RELN: variants seen among roughly 807,000 people sequenced by gnomAD.
The protein encoded by RELN is reelin.
RELN carries 108 observed loss-of-function variants against 427.6 expected under a neutral mutation model. The observed-to-expected ratio is 0.25, with a 90% CI of 0.22 to 0.30. The LOEUF (loss-of-function observed/expected upper bound fraction) is 0.30. Ranked by LOEUF, RELN falls within the 10% of genes least tolerant of loss-of-function variation. RELN has a pLI of 1.00. For synonymous variants in RELN, 1,524 were observed against 1,513.4 expected (o/e 1.01, Z -0.16); for missense variants, 3,715 against 4,302.8 (o/e 0.86, Z 3.82).
At chr7:103,918,638 T>G (rs2116675320) in intron 1 of RELN, among the ~76,000 whole-genome samples, 1 of 152,268 alleles carries the variant, frequency 6.6e-6, no homozygotes, top group African/African-American at 2.4e-5. Flanking sequence ...GTGCTCAATA[T>G]TTAGTGAATT....
Position 103,823,861 on chromosome 7 carries a change from G to A in RELN, c.473+9676C>T, listed in dbSNP as rs192524326. On this transcript the variant is annotated intron_variant, in intron 3 of 64. Transcript: ENST00000428762. ...TTTTGCTTTAACATGGGCCATGTGC[G>A]GTAAAAATACCAAACTGCATTTTTA... 1.8e-3 allele frequency among the ~76,000 whole-genome samples: 261 copies of A among 145,324 alleles called. 2 individuals are homozygous for A. Among genetic ancestry groups the A allele is most frequent in the African/African-American group, 5.9e-3 (232 of 39,020 alleles).
chr7:103,899,171 T>TGC (rs1795026782), intron 2 of RELN, among the ~76,000 whole-genome samples: 1 of 150,990 alleles, frequency 6.6e-6, no homozygotes, highest in African/African-American at 2.5e-5. Context: ...CACCTCTACT[T>TGC]AAATAAACTG....
intron 5 of RELN, among the ~76,000 whole-genome samples, chr7:103,749,720 A>T (rs1790946086): frequency 1.3e-5 from 2 of 152,164 alleles, no homozygotes; most frequent in South Asian, 4.1e-4. Flanking sequence ...AAAACCAAAG[A>T]CCCCAAAAGG....
At chr7:103,866,156 A>T (rs1055870718) in intron 2 of RELN, among the ~76,000 whole-genome samples, 3 of 152,162 alleles carry the variant, frequency 2.0e-5, no homozygotes, top group African/African-American at 7.2e-5. Flanking sequence ...TAATTCTTTT[A>T]AAAAATAAAA....
At chr7:103,623,495 T>C (rs1485792419) in intron 20 of RELN, among the ~76,000 whole-genome samples, 7 of 152,204 alleles carry the variant, frequency 4.6e-5, no homozygotes. Context: ...TTTTTCCTTG[T>C]AAACCAAGGA....
intron 6 of RELN, among the ~76,000 whole-genome samples, chr7:103,739,662 T>C (rs989143847): frequency 6.6e-6 from 1 of 152,186 alleles, no homozygotes; most frequent in Admixed American, 6.5e-5. Context: ...AGGGATTTTG[T>C]TACTCTCTTC....
rs1228074490 is a variant in RELN, at chr7:103,924,985, T to TAC, written c.227-7802_227-7801dup. On this transcript the variant is annotated intron_variant, in intron 1 of 64. Transcript: ENST00000428762. ...TCTCTGACACACGTGTGCATGCGCA[T>TAC]ACACATACACACACACACACACACA... is the stretch of plus-strand genomic sequence containing the variant. 1.4e-3 allele frequency among the ~76,000 whole-genome samples: 187 copies of TAC among 137,628 alleles called. 2 individuals carry two copies. The highest frequency in any genetic ancestry group is 4.1e-3 in the African/African-American group (149 of 36,148). 90.3% of individuals were successfully genotyped at this position (137,628 alleles called of 152,430 possible).
intron 5 of RELN, among the ~76,000 whole-genome samples, chr7:103,752,029 T>G (rs758448997): frequency 6.6e-6 from 1 of 152,242 alleles, no homozygotes; most frequent in Non-Finnish European, 1.5e-5. Flanking sequence ...TTCTAGAGAC[T>G]TTTTTATTTA....
chr7:103,606,427 A>T (rs1831821967), intron 22 of RELN, among the ~76,000 whole-genome samples: 1 of 152,202 alleles, frequency 6.6e-6, no homozygotes, highest in Non-Finnish European at 1.5e-5. Flanking sequence ...GCAACTTAGC[A>T]GCTGTGTGAC....
chr7:103,773,771 C>A (rs1563005232), intron 4 of RELN, among the ~76,000 whole-genome samples: 1 of 151,860 alleles, frequency 6.6e-6, no homozygotes, highest in Non-Finnish European at 1.5e-5. Flanking sequence ...CGCGCGGCCT[C>A]CTCTCCTTTT....
intron 16 of RELN, among the ~76,000 whole-genome samples, chr7:103,643,270 C>T (rs1001308391): frequency 9.2e-5 from 14 of 152,082 alleles, no homozygotes; most frequent in African/African-American, 2.9e-4. Flanking sequence ...GTCCCTTCTC[C>T]TCTCTTTCTC....
intron 3 of RELN, among the ~76,000 whole-genome samples, chr7:103,820,992 A>G (rs1221982832): frequency 1.3e-5 from 2 of 152,132 alleles, no homozygotes; most frequent in African/African-American, 4.8e-5. Flanking sequence ...TTGTTAAAAA[A>G]AGTCATATCA....
At chr7:103,567,247 A>T (rs1467558148) in intron 31 of RELN, among the ~76,000 whole-genome samples, 1 of 152,232 alleles carries the variant, frequency 6.6e-6, no homozygotes, top group Non-Finnish European at 1.5e-5. Context: ...GCACTTTGTC[A>T]GATCTTGGTC....
chr7:103,604,219 C>T, intron 23 of RELN, 127 bp downstream of exon 23: 2 of 1,063,650 alleles, frequency 1.9e-6, no homozygotes, highest in Non-Finnish European at 2.9e-6. Flanking sequence ...GAAAGGAGGA[C>T]TTGTTTCTTT....
intron 1 of RELN, among the ~76,000 whole-genome samples, chr7:103,952,281 A>C (rs1039852783): frequency 1.3e-5 from 2 of 152,214 alleles, no homozygotes; most frequent in African/African-American, 4.8e-5. Flanking sequence ...GTCACCCTTC[A>C]GTCTACCAAG....
intron 10 of RELN, among the ~76,000 whole-genome samples, chr7:103,690,514 C>T (rs569567420): frequency 1.3e-5 from 2 of 152,210 alleles, no homozygotes; most frequent in South Asian, 4.1e-4. Context: ...ATACAGTGTA[C>T]CCCTTATCTT....
At chr7:103,597,747 A>C (rs1410707939) in intron 24 of RELN, among the ~76,000 whole-genome samples, 1 of 152,152 alleles carries the variant, frequency 6.6e-6, no homozygotes, top group Admixed American at 6.5e-5. Flanking sequence ...AAGTGTTACA[A>C]ATTTCCTGAA....
At chr7:103,530,012 T>A (rs1228207722) in intron 46 of RELN, among the ~76,000 whole-genome samples, 1 of 152,152 alleles carries the variant, frequency 6.6e-6, no homozygotes, top group Non-Finnish European at 1.5e-5. Context: ...CTTCTGCTAT[T>A]AAATTTAGGA....
chr7:103,640,462 G>C lies in RELN; in HGVS notation c.2069+81C>G. ...TAAAAAGATCCCCGATCCTAAAAAA[G>C]GTTATTAAATGACTTGCGACTTCAA... On this transcript the variant is annotated intron_variant, in intron 17 of 64. Transcript: ENST00000428762. The surrounding 1 kb of genome is among the most constrained non-coding windows in gnomAD (Gnocchi z 4.1). The C allele has an allele frequency of 1.4e-6, 2 of 1,384,074 alleles. No individual in the cohort carries two copies. The highest frequency in any genetic ancestry group is 1.0e-6 in the Non-Finnish European group (1 of 973,572). The allele number at this position is 1,384,074 out of a possible 1,614,324, so 85.7% of individuals were successfully genotyped here. A position where few individuals can be genotyped will look rare whatever the true frequency, so the allele number is the denominator to read the frequency against.
Sources: allele counts gnomAD v4.1 joint callset (sites outside exome capture counted in the v4.1 genomes callset), GRCh38; gene constraint gnomAD v4.1.1; non-coding constraint Gnocchi (gnomAD v3.1); transcripts MANE v1.5; gene names NCBI Gene and HGNC (gene_info 2026-07-23, HGNC 2026-07-21).